PHLPP2: variants seen among roughly 807,000 people sequenced by gnomAD.
PHLPP2 encodes the protein PH domain leucine-rich repeat-containing protein phosphatase 2.
In PHLPP2, 66 loss-of-function variants were observed where a neutral mutation model predicts 124.9. The observed-to-expected ratio is 0.53, with a 90% CI of 0.43 to 0.65. PHLPP2 has a LOEUF of 0.65. Among genes scored for constraint, PHLPP2 ranks in the 30% least tolerant of loss-of-function variants. The pLI, the probability that PHLPP2 is intolerant of heterozygous loss-of-function variation, is 0.00. For synonymous variants in PHLPP2, 681 were observed against 624.7 expected (o/e 1.09, Z -1.34); for missense variants, 1,685 against 1,600.4 (o/e 1.05, Z -0.90).
At chr16:71,707,426 G>A (rs571706174) in intron 2 of PHLPP2, among the ~76,000 whole-genome samples, 39 of 152,246 alleles carry the variant, frequency 2.6e-4, no homozygotes, top group African/African-American at 8.7e-4. Context: ...GAGATGAGAA[G>A]ACTCAGGACA....
At position 71,694,535 on chromosome 16, in the gene PHLPP2, TAATA is replaced by T. The variant is rs899207276; in HGVS notation, c.419-3830_419-3827del. ...TTTTAAACTTATGCACAATAAAAAG[TAATA>T]AATAAAATAAAAAGTTACAGGCTGG... On this transcript the variant is annotated intron_variant, in intron 3 of 18. Coordinates refer to ENST00000568954, the MANE Select transcript of PHLPP2 (RefSeq NM_015020.3). Among the ~76,000 whole-genome samples, 214 of 151,966 alleles carry T rather than the reference TAATA, an allele frequency of 1.4e-3. 2 individuals carry two copies. Among genetic ancestry groups the T allele is most frequent in the African/African-American group, 4.9e-3 (203 of 41,446 alleles).
Position 71,690,645 on chromosome 16 carries a change from C to G in PHLPP2, c.483G>C (p.Lys161Asn). The G allele has an allele frequency of 6.2e-7, 1 of 1,613,824 alleles. No homozygotes were observed. Among genetic ancestry groups the G allele is most frequent in the Non-Finnish European group, 8.5e-7 (1 of 1,179,736 alleles). The change falls in exon 4 of 19, where the codon AAG becomes AAC. Residue 161 changes from lysine (K) to asparagine (N), a missense_variant. By Grantham distance (94) the Lys-to-Asn change is moderately conservative. Transcript: ENST00000568954. ...CCCACTTATGCAGCTGGGTCTTTCCCTTGCGTACATTATAGATGCCAGACA... is the reference window on the plus strand; with the variant it reads ...CCCACTTATGCAGCTGGGTCTTTCCGTTGCGTACATTATAGATGCCAGACA... Reference protein sequence around the residue: ...ILLSGIYNVRKGKTQLHKWAE... With the variant: ...ILLSGIYNVRNGKTQLHKWAE...
chr16:71,710,917 G>C (rs1487975479), intron 2 of PHLPP2, among the ~76,000 whole-genome samples: 1 of 152,154 alleles, frequency 6.6e-6, no homozygotes, highest in African/African-American at 2.4e-5. Context: ...TCTCATTCCA[G>C]AATCCAATCT....
intron 12 of PHLPP2, among the ~76,000 whole-genome samples, chr16:71,665,101 A>T (rs1377235171): frequency 6.6e-6 from 1 of 152,138 alleles, no homozygotes; most frequent in Non-Finnish European, 1.5e-5. Context: ...CGAGGTCAGG[A>T]GATGGTTAAC....
chr16:71,684,558 G>A lies in PHLPP2; in HGVS notation c.653C>T (p.Ser218Leu). The change falls in exon 5 of 19, where the codon TCA (serine) becomes TTA (leucine). Residue 218 changes from serine (S) to leucine (L), a missense_variant. Ser to Leu is a moderately radical substitution (Grantham distance 145). Coordinates refer to ENST00000568954, the MANE Select transcript of PHLPP2 (RefSeq NM_015020.3). ...ATAGGTCTGAGCTTGGGCTCCTGCTGAGCTGAAAGCAAGGGAGTATTGCCG... is the reference window on the plus strand; with the variant it reads ...ATAGGTCTGAGCTTGGGCTCCTGCTAAGCTGAAAGCAAGGGAGTATTGCCG... ...KRRQYSLAFS[S>L]AGAQAQTYHV... The A allele has an allele frequency of 6.2e-7, 1 of 1,613,752 alleles. No homozygotes were observed.
rs144641434 is a variant in PHLPP2, at chr16:71,684,601, T to C, written c.610A>G (p.Ile204Val). The C allele has an allele frequency of 1.8e-4, 292 of 1,606,834 alleles. 1 individual carries two copies. Among genetic ancestry groups the C allele is most frequent in the Admixed American group, 1.8e-4 (11 of 59,520 alleles). ...MHILPLVGGK[I>V]EEVKRRQYSL... The stretch of plus-strand genomic sequence containing the variant: ...TATTGCCGTCGCTTCACTTCTTCTA[T>C]CTGAAGAAGAGGAGGGGAGAAAACC... Residue 204 changes from isoleucine (I) to valine (V), a missense_variant and splice_region_variant, in exon 5 of 19, where the codon ATA becomes GTA. Coordinates refer to ENST00000568954, the MANE Select transcript of PHLPP2 (RefSeq NM_015020.3).
chr16:71,696,117 A>G (rs997704940), intron 3 of PHLPP2, among the ~76,000 whole-genome samples: 6 of 152,346 alleles, frequency 3.9e-5, no homozygotes, highest in Non-Finnish European at 8.8e-5. Flanking sequence ...CACAATCATA[A>G]AAATAATTGT....
At chr16:71,651,827 G>A (rs1224434063) in intron 18 of PHLPP2, among the ~76,000 whole-genome samples, 1 of 152,136 alleles carries the variant, frequency 6.6e-6, no homozygotes, top group Admixed American at 6.6e-5. Flanking sequence ...TGGAACAAGA[G>A]GACACCTACA....
chr16:71,685,472 T>C (rs1432980379), intron 4 of PHLPP2, among the ~76,000 whole-genome samples: 1 of 152,214 alleles, frequency 6.6e-6, no homozygotes, highest in Admixed American at 6.5e-5. Context: ...GCAAATCAGA[T>C]GGAAACTTAC....
intron 3 of PHLPP2, among the ~76,000 whole-genome samples, chr16:71,693,386 C>A (rs1396918237): frequency 1.3e-5 from 2 of 152,206 alleles, no homozygotes; most frequent in East Asian, 3.8e-4. Flanking sequence ...CTGAAGTCAC[C>A]CATGCTCAAA....
intron 15 of PHLPP2, among the ~76,000 whole-genome samples, chr16:71,657,012 G>A (rs546585551): frequency 1.0e-3 from 147 of 146,728 alleles, no homozygotes; most frequent in Middle Eastern, 3.7e-3. Context: ...GCGCAATCTC[G>A]GCTCACTGCA....
At chr16:71,653,659 C>T (rs559711580) in intron 17 of PHLPP2, among the ~76,000 whole-genome samples, 1 of 152,324 alleles carries the variant, frequency 6.6e-6, no homozygotes, top group Admixed American at 6.5e-5. Flanking sequence ...ACTCAGCAAG[C>T]CATTTCTCCA....
chr16:71,698,740 C>T, intron 3 of PHLPP2: 2 of 281,756 alleles, frequency 7.1e-6, no homozygotes, highest in Non-Finnish European at 1.4e-5. Flanking sequence ...ATTAATCATG[C>T]TACCTACTCA....
chr16:71,676,466 G>A lies in PHLPP2; in HGVS notation c.1452C>T (p.Thr484=). The change falls in exon 9 of 19, where the codon ACC becomes ACT. Residue 484 remains threonine, a synonymous_variant. Transcript: ENST00000568954. ...ACTCACTGTTGGAACTGGCATAGAG[G>A]GTCCGAAGGGAAAAGCCACTGAGTG... is the stretch of plus-strand genomic sequence containing the variant. ...ELTLSGFSLR[T]LYASSNRLTA... The A allele has an allele frequency of 6.2e-7, 1 of 1,613,810 alleles. No individual in the cohort carries two copies. Among genetic ancestry groups the A allele is most frequent in the Non-Finnish European group, 8.5e-7 (1 of 1,179,704 alleles).
At chr16:71,686,336 CTAATT>C (rs1409521750) in intron 4 of PHLPP2, among the ~76,000 whole-genome samples, 2 of 151,982 alleles carry the variant, frequency 1.3e-5, no homozygotes, top group African/African-American at 4.8e-5. Flanking sequence ...TTGTTCCTGG[CTAATT>C]TTTTATTTTT....
chr16:71,686,714 T>C (rs145269249), intron 4 of PHLPP2, among the ~76,000 whole-genome samples: 1 of 152,186 alleles, frequency 6.6e-6, no homozygotes, highest in Non-Finnish European at 1.5e-5. Flanking sequence ...CTGGCTTCTT[T>C]CACTCAGAAT....
chr16:71,706,111 A>G (rs1158153395), intron 2 of PHLPP2, among the ~76,000 whole-genome samples: 5 of 152,262 alleles, frequency 3.3e-5, no homozygotes, highest in Non-Finnish European at 5.9e-5. Context: ...TACTGGCAAC[A>G]AAAAGTTCTA....
At position 71,658,321 on chromosome 16, in the gene PHLPP2, G is replaced by A; in HGVS notation, c.2191C>T (p.Pro731Ser). ...TGTAATGTAGCAGGCAAAGCCTCTG[G>A]AATCAGGATTTCTGTCAAGTCGTTG... Reference protein sequence around the residue: ...SCNDLTEILIPEALPATLQDL... With the variant: ...SCNDLTEILISEALPATLQDL... The change falls in exon 15 of 19, where the codon CCA (proline) becomes TCA (serine). Residue 731 changes from proline (P) to serine (S), a missense_variant. Coordinates refer to ENST00000568954, the MANE Select transcript of PHLPP2 (RefSeq NM_015020.3). 6.2e-7 allele frequency: 1 copy of A among 1,613,694 alleles called. No homozygotes were observed. Among genetic ancestry groups the A allele is most frequent in the Non-Finnish European group, 8.5e-7 (1 of 1,179,694 alleles).
At chr16:71,702,477 T>C in intron 3 of PHLPP2, 121 bp downstream of exon 3, 2 of 725,286 alleles carry the variant, frequency 2.8e-6, no homozygotes, top group Admixed American at 2.4e-5. Flanking sequence ...GTTAACTACG[T>C]TAGTTAATTG....
Sources: allele counts gnomAD v4.1 joint callset (sites outside exome capture counted in the v4.1 genomes callset), GRCh38; gene constraint gnomAD v4.1.1; transcripts MANE v1.5; gene names NCBI Gene and HGNC (gene_info 2026-07-23, HGNC 2026-07-21).